The following GDAP2 variants were observed in gnomAD, a reference collection of about 807,000 sequenced individuals.
GDAP2 encodes ganglioside-induced differentiation-associated protein 2.
In GDAP2, 51 loss-of-function variants were observed where a neutral mutation model predicts 67.0. The ratio of observed to expected loss-of-function variants is 0.76; its 90% CI spans 0.61 to 0.96. The LOEUF (loss-of-function observed/expected upper bound fraction) is 0.96, where lower values mean the gene tolerates loss of function less well. Ranked by LOEUF, GDAP2 falls within the 40% of genes least tolerant of loss-of-function variation. GDAP2 has a pLI of 0.00. For missense variants in GDAP2, 547 were observed against 588.3 expected (o/e 0.93, Z 0.73); for synonymous variants, 203 against 207.3 (o/e 0.98, Z 0.18).
At chr1:117,896,457 C>G (rs113677395) in intron 8 of GDAP2, among the ~76,000 whole-genome samples, 1 of 152,294 alleles carries the variant, frequency 6.6e-6, no homozygotes, top group African/African-American at 2.4e-5. Flanking sequence ...TTTAATTCAA[C>G]TGTAGATTAT....
intron 3 of GDAP2, among the ~76,000 whole-genome samples, chr1:117,914,963 TTAAAAAAAAAAG>T (rs1278448479): frequency 6.6e-6 from 1 of 151,856 alleles, no homozygotes; most frequent in Non-Finnish European, 1.5e-5. Context: ...CAGGATGATG[TTAAAAAAAAAAG>T]TTCCAGAACA....
rs918362513 is a variant in GDAP2, at chr1:117,906,543, A to G, written c.599T>C (p.Ile200Thr). 8 of 1,580,450 alleles carry G rather than the reference A, an allele frequency of 5.1e-6. No individual in the cohort carries two copies. The highest frequency in any genetic ancestry group is 6.9e-6 in the Non-Finnish European group (8 of 1,152,170). ...RRFLEIHGET[I>T]EKVVFAVSDL... is the part of the protein sequence containing the mutation. ...AGAGACAGCAAATACTACTTTTTCA[A>G]TGGTTTCCCCATGAATCTCTAGGAA... Residue 200 changes from isoleucine (I) to threonine (T), a missense_variant, in exon 6 of 14, where the codon ATT becomes ACT. Transcript: ENST00000369443.
intron 3 of GDAP2, among the ~76,000 whole-genome samples, chr1:117,913,907 G>GA (rs1649954083): frequency 6.6e-6 from 1 of 152,170 alleles, no homozygotes; most frequent in Admixed American, 6.6e-5. Context: ...AGAGTCTCCA[G>GA]AGAGTCTGCT....
chr1:117,884,695 G>A (rs1448706324), intron 10 of GDAP2, among the ~76,000 whole-genome samples: 1 of 151,954 alleles, frequency 6.6e-6, no homozygotes, highest in African/African-American at 2.4e-5. Flanking sequence ...AAAGATTTAT[G>A]GTTTTATTTG....
chr1:117,878,485 C>T (rs921226935), intron 12 of GDAP2, among the ~76,000 whole-genome samples: 4 of 152,090 alleles, frequency 2.6e-5, no homozygotes, highest in Non-Finnish European at 4.4e-5. Context: ...TAGTCAAAAC[C>T]GCTGCATTAT....
Position 117,896,969 on chromosome 1 carries a change from C to T in GDAP2, c.817G>A (p.Glu273Lys), listed in dbSNP as rs1381319627. The T allele has an allele frequency of 6.2e-7, 1 of 1,606,500 alleles. No homozygotes were observed. The highest frequency in any genetic ancestry group is 1.7e-5 in the Admixed American group (1 of 59,122). ...AAAGAGAGATCAACTCCCAAGCCTT[C>T]ATCCTCCTCTTCTTGGTTATCTGTA... ...APEDNQEEED[E>K]GLGVDLSFIG... Residue 273 changes from glutamate to lysine, a missense_variant, in exon 8 of 14, where the codon GAA becomes AAA. Glu to Lys is a moderately conservative substitution (Grantham distance 56). Coordinates refer to ENST00000369443, the MANE Select transcript of GDAP2 (RefSeq NM_017686.4).
intron 12 of GDAP2, among the ~76,000 whole-genome samples, chr1:117,879,232 C>T (rs923870919): frequency 1.3e-5 from 2 of 152,126 alleles, no homozygotes; most frequent in African/African-American, 4.8e-5. Flanking sequence ...ATGCAATGTG[C>T]TAGGAGATGA....
intron 8 of GDAP2, among the ~76,000 whole-genome samples, chr1:117,889,750 GT>G (rs1040218286): frequency 6.6e-6 from 1 of 152,024 alleles, no homozygotes; most frequent in Non-Finnish European, 1.5e-5. Flanking sequence ...AGTTTATTAT[GT>G]TTTTTAAATC....
At chr1:117,898,068 T>C (rs1320088152) in intron 7 of GDAP2, among the ~76,000 whole-genome samples, 1 of 152,202 alleles carries the variant, frequency 6.6e-6, no homozygotes, top group East Asian at 1.9e-4. Flanking sequence ...TAAAACACTC[T>C]GGGAATGGTG....
At chr1:117,880,615 G>A (rs534739828) in intron 12 of GDAP2, among the ~76,000 whole-genome samples, 2 of 152,314 alleles carry the variant, frequency 1.3e-5, no homozygotes, top group Non-Finnish European at 2.9e-5. Context: ...GACACTAACT[G>A]TTGAAGAGAG....
At chr1:117,890,784 A>G (rs557929616) in intron 8 of GDAP2, among the ~76,000 whole-genome samples, 236 of 152,236 alleles carry the variant, frequency 1.6e-3, no homozygotes, top group African/African-American at 5.4e-3. Flanking sequence ...ACTATTTAAA[A>G]AAGCTTATCA....
chr1:117,890,196 G>T (rs367821087), intron 8 of GDAP2, among the ~76,000 whole-genome samples: 3 of 152,052 alleles, frequency 2.0e-5, no homozygotes, highest in Non-Finnish European at 4.4e-5. Context: ...AGGAGGTGGG[G>T]TGAGAAGGAG....
intron 13 of GDAP2, chr1:117,877,784 G>C: frequency 8.0e-7 from 1 of 1,247,442 alleles, no homozygotes; most frequent in Non-Finnish European, 1.0e-6. Context: ...ACAGCAGAGA[G>C]ATCTCCCACT....
intron 5 of GDAP2, among the ~76,000 whole-genome samples, chr1:117,908,443 A>G (rs975250339): frequency 2.6e-5 from 4 of 152,102 alleles, no homozygotes; most frequent in Admixed American, 1.3e-4. Context: ...ACAAACACTC[A>G]TAACTCTCCT....
intron 13 of GDAP2, among the ~76,000 whole-genome samples, chr1:117,871,753 T>TA (rs201175852): frequency 0.013 from 2,024 of 151,706 alleles, 36 homozygotes; most frequent in South Asian, 0.091. Context: ...TCAAACAAAA[T>TA]AAAAAAAATA....
intron 13 of GDAP2, among the ~76,000 whole-genome samples, chr1:117,875,535 G>T (rs1648428201): frequency 6.6e-6 from 1 of 152,230 alleles, no homozygotes; most frequent in Non-Finnish European, 1.5e-5. Context: ...GCCTAGTGGA[G>T]CTGTGGGGTT....
In GDAP2 at chr1:117,896,869, A is replaced by C; in HGVS notation, c.917T>G (p.Leu306Ter). The change falls in exon 8 of 14, where the codon TTA (leucine) becomes TGA (stop). Residue 306 changes from leucine to a stop codon, truncating the protein, a stop_gained. Coordinates refer to ENST00000369443, the MANE Select transcript of GDAP2 (RefSeq NM_017686.4). LOFTEE classifies it high-confidence loss of function. ...KQRKLILQGQ[L>*]SEAALQKQHQ... ...CTGCTTCTGCAGAGCTGCCTCTGAT[A>C]ATTGTCCCTGAAGGATCAGTTTTCT... The C allele has an allele frequency of 6.2e-7, 1 of 1,613,126 alleles. No individual in the cohort carries two copies. Among genetic ancestry groups the C allele is most frequent in the Non-Finnish European group, 8.5e-7 (1 of 1,179,428 alleles).
chr1:117,886,544 T>G (rs188231832), intron 10 of GDAP2, 33 bp downstream of exon 10: 91 of 1,109,086 alleles, frequency 8.2e-5, no homozygotes, highest in Middle Eastern at 4.0e-4. Context: ...TCAATCAACA[T>G]TGTTTGTAAA....
intron 10 of GDAP2, among the ~76,000 whole-genome samples, chr1:117,884,328 A>G (rs1236692551): frequency 6.6e-6 from 1 of 152,202 alleles, no homozygotes; most frequent in Non-Finnish European, 1.5e-5. Context: ...TAAGAGAAAC[A>G]CTAAAAACAA....
Sources: gnomAD v4.1 joint callset for allele counts (sites outside exome capture counted in the v4.1 genomes callset) on GRCh38, gnomAD v4.1.1 for gene constraint, MANE v1.5 for transcripts, NCBI Gene and HGNC (gene_info 2026-07-23, HGNC 2026-07-21) for gene names.